The following ZNF423 variants were observed in gnomAD, a reference collection of about 807,000 sequenced individuals.
The protein encoded by ZNF423 is Ebf-associated zinc finger protein.
Under a neutral mutation model 95.8 loss-of-function variants are expected in ZNF423, and 12 were observed. The observed-to-expected ratio is 0.13, with a 90% CI of 0.08 to 0.20. The LOEUF (loss-of-function observed/expected upper bound fraction) is 0.20, where lower values mean the gene tolerates loss of function less well. ZNF423 is among the 10% of genes least tolerant of loss of function. ZNF423 has a pLI of 1.00. For missense variants in ZNF423, 1,316 were observed against 1,737.1 expected (o/e 0.76, Z 4.31); for synonymous variants, 749 against 711.9 (o/e 1.05, Z -0.83).
chr16:49,737,827 C>A (rs1312207152), intron 2 of ZNF423, among the ~76,000 whole-genome samples: 1 of 152,232 alleles, frequency 6.6e-6, no homozygotes, highest in Non-Finnish European at 1.5e-5. Context: ...CGGCCCCTGG[C>A]CAGCACACGA....
At chr16:49,749,912 G>A (rs1237440269) in intron 2 of ZNF423, among the ~76,000 whole-genome samples, 1 of 152,238 alleles carries the variant, frequency 6.6e-6, no homozygotes, top group Non-Finnish European at 1.5e-5. Flanking sequence ...ATGTGTCTCT[G>A]GAGGTGCAAT....
intron 2 of ZNF423, among the ~76,000 whole-genome samples, chr16:49,752,393 C>A (rs191456575): frequency 6.6e-6 from 1 of 152,264 alleles, no homozygotes; most frequent in Non-Finnish European, 1.5e-5. Flanking sequence ...TGGGCATCCA[C>A]AGCACCAGCC....
chr16:49,510,087 C>A (rs755883507), intron 7 of ZNF423, among the ~76,000 whole-genome samples: 2 of 152,222 alleles, frequency 1.3e-5, no homozygotes, highest in Admixed American at 6.5e-5. Flanking sequence ...CGCTGTTGAG[C>A]CTGCTTCTCC....
chr16:49,697,066 G>A (rs1596873599), intron 3 of ZNF423, among the ~76,000 whole-genome samples: 1 of 152,204 alleles, frequency 6.6e-6, no homozygotes. Context: ...GCTGGTGACG[G>A]GCTGGCCCAC....
chr16:49,786,040 C>T lies in ZNF423; in HGVS notation c.100+3447G>A, dbSNP rs1597006936. Among the ~76,000 whole-genome samples the T allele has an allele frequency of 4.6e-5, 7 of 152,234 alleles. No individual in the cohort carries two copies. In the South Asian group the frequency reaches 1.4e-3, roughly 32 times the overall value. On this transcript the variant is annotated intron_variant, in intron 2 of 7. Coordinates refer to ENST00000563137, the MANE Select transcript of ZNF423 (RefSeq NM_001379286.1). ...CAGCTCCACACCTCCAAGGCACCCC[C>T]ACATCTTGACTCCAGATGAAGTGCT...
Position 49,636,601 on chromosome 16 carries a change from T to C in ZNF423, c.2575A>G (p.Lys859Glu), listed in dbSNP as rs148681787. The change falls in exon 4 of 8, where the codon AAG (lysine) becomes GAG (glutamate). Residue 859 changes from lysine to glutamate, a missense_variant. Around this residue, in one of 6 missense-constraint regions of ZNF423, gnomAD observed 620 missense variants for 775.6 expected, o/e 0.80. Coordinates refer to ENST00000563137, the MANE Select transcript of ZNF423 (RefSeq NM_001379286.1). This position sits in a 1 kb window ranked among gnomAD's most constrained non-coding sequence, Gnocchi z 8.6. ...TANGVPPMAT[K>E]KAEPADLQGM... ...TGCAGGTCAGCAGGCTCAGCTTTCTTGGTGGCCATTGGGGGTACCCCATTG... is the reference window on the plus strand; with the variant it reads ...TGCAGGTCAGCAGGCTCAGCTTTCTCGGTGGCCATTGGGGGTACCCCATTG... The C allele has an allele frequency of 3.9e-5, 63 of 1,613,686 alleles. No individual in the cohort carries two copies. Among genetic ancestry groups the C allele is most frequent in the Non-Finnish European group, 5.0e-5 (59 of 1,179,936 alleles).
chr16:49,793,942 G>A (rs2034456477), intron 1 of ZNF423, among the ~76,000 whole-genome samples: 1 of 152,170 alleles, frequency 6.6e-6, no homozygotes, highest in Admixed American at 6.5e-5. Context: ...GTGGGGTTCT[G>A]TAGCCCTACA....
At position 49,853,808 on chromosome 16, in the gene ZNF423, A is replaced by G. The variant is rs1006361713; in HGVS notation, c.40+1927T>C. The stretch of plus-strand genomic sequence containing the variant: ...ACACCCACCCATCTGTTCACTGCAA[A>G]CTGCTCTCCTTTTGCTTTCTGGGTC... On this transcript the variant is annotated intron_variant, in intron 1 of 7. Transcript: ENST00000563137. The G allele has an allele frequency of 1.3e-5, 13 of 985,358 alleles. No individual in the cohort carries two copies. In the Admixed American group the frequency reaches 1.8e-4, roughly 14 times the overall value. The allele number at this position is 985,358 out of a possible 1,614,324, so 61.0% of individuals were successfully genotyped here. A position where few individuals can be genotyped will look rare whatever the true frequency, so the allele number is the denominator to read the frequency against.
intron 3 of ZNF423, among the ~76,000 whole-genome samples, chr16:49,645,360 C>G (rs1439136113): frequency 1.3e-5 from 2 of 152,168 alleles, no homozygotes; most frequent in African/African-American, 4.8e-5. Context: ...ACAAGCCCAG[C>G]TAATTGGTAG....
chr16:49,828,444 T>C (rs1408567307), intron 1 of ZNF423, among the ~76,000 whole-genome samples: 1 of 152,210 alleles, frequency 6.6e-6, no homozygotes, highest in African/African-American at 2.4e-5. Flanking sequence ...AAATGAAGCA[T>C]AGTTCGAGTT....
intron 1 of ZNF423, among the ~76,000 whole-genome samples, chr16:49,821,220 G>A (rs1029965087): frequency 7.9e-5 from 12 of 151,618 alleles, no homozygotes; most frequent in East Asian, 1.9e-4. Flanking sequence ...ACCCAGACGC[G>A]GAGGAAAATA....
chr16:49,834,971 T>A (rs1157790403), intron 1 of ZNF423, among the ~76,000 whole-genome samples: 1 of 151,368 alleles, frequency 6.6e-6, no homozygotes, highest in African/African-American at 2.4e-5. Flanking sequence ...AGCAAAACCA[T>A]GTGTGCAGTG....
At chr16:49,842,410 A>AAGGCAGGCAGGC (rs1211045896) in intron 1 of ZNF423, among the ~76,000 whole-genome samples, 6 of 77,914 alleles carry the variant, frequency 7.7e-5, no homozygotes, top group Non-Finnish European at 1.2e-4. Context: ...GGAAGGAAGG[A>AAGGCAGGCAGGC]AGGCAGGCAG....
intron 2 of ZNF423, among the ~76,000 whole-genome samples, chr16:49,759,570 C>T (rs542580495): frequency 6.6e-6 from 1 of 152,206 alleles, no homozygotes; most frequent in Non-Finnish European, 1.5e-5. Flanking sequence ...AGGAGCAGCA[C>T]ATACTCATGA....
intron 5 of ZNF423, among the ~76,000 whole-genome samples, chr16:49,535,758 T>C (rs1969036929): frequency 1.3e-5 from 2 of 152,154 alleles, no homozygotes; most frequent in African/African-American, 2.4e-5. Context: ...TTCCACTACA[T>C]CCTGGGGATC....
intron 3 of ZNF423, among the ~76,000 whole-genome samples, chr16:49,639,893 G>A (rs1026319611): frequency 3.3e-5 from 5 of 152,204 alleles, no homozygotes; most frequent in Admixed American, 6.5e-5. Context: ...AAGGCACACA[G>A]GACACAGTGA....
intron 3 of ZNF423, among the ~76,000 whole-genome samples, chr16:49,702,270 C>A (rs958025527): frequency 7.2e-5 from 11 of 152,194 alleles, no homozygotes; most frequent in African/African-American, 2.7e-4. Context: ...AGTCTCTGAA[C>A]GCTGGAACCG....
chr16:49,593,188 G>A lies in ZNF423; in HGVS notation c.3601+32982C>T, dbSNP rs187463787. Among the ~76,000 whole-genome samples, 23 of 152,264 alleles carry A rather than the reference G, an allele frequency of 1.5e-4. No homozygotes were observed. In the East Asian group the frequency reaches 4.1e-3, roughly 27 times the overall value. On this transcript the variant is annotated intron_variant, in intron 5 of 7. Transcript: ENST00000563137. ...GGGCTCTGCGTGGTGGCTCATGCCT[G>A]TAATCTCAGTGCTTTGGGAGGATCA...
intron 1 of ZNF423, among the ~76,000 whole-genome samples, chr16:49,842,315 AGGG>A (rs2035194624): frequency 3.3e-5 from 1 of 30,718 alleles, no homozygotes; most frequent in Non-Finnish European, 6.3e-5. Context: ...AGGCGAGGGA[AGGG>A]AAGGGAAGGG....
Sources: gnomAD v4.1 joint callset for allele counts (sites outside exome capture counted in the v4.1 genomes callset) on GRCh38, gnomAD v4.1.1 for gene constraint, gnomAD v4.1.1 regional missense constraint, Gnocchi (gnomAD v3.1) non-coding constraint, MANE v1.5 for transcripts, NCBI Gene and HGNC (gene_info 2026-07-23, HGNC 2026-07-21) for gene names.